Variants in NSUN6 observed in about 807,000 individuals in gnomAD.
NSUN6 encodes the protein tRNA (cytosine(72)-C(5))-methyltransferase NSUN6.
NSUN6 carries 64 observed loss-of-function variants against 58.0 expected under a neutral mutation model. The ratio of observed to expected loss-of-function variants is 1.10; its 90% CI spans 0.90 to 1.36. NSUN6 has a LOEUF of 1.36. Among genes scored for constraint, NSUN6 ranks in the 40% most tolerant of loss-of-function variants. The probability of loss-of-function intolerance (pLI) is 0.00; values close to 1 mark genes in which losing one functional copy is unlikely to be tolerated. For missense variants in NSUN6, 701 were observed against 550.1 expected, an observed-to-expected ratio of 1.27 and a Z score of -2.74; for synonymous variants, 231 against 193.9, an observed-to-expected ratio of 1.19 and a Z score of -1.59.
intron 8 of NSUN6, among the ~76,000 whole-genome samples, chr10:18,572,716 T>C (rs1213768110): frequency 6.7e-6 from 1 of 149,450 alleles, no homozygotes; most frequent in African/African-American, 2.5e-5. Context: ...CATTCCCTTC[T>C]CCATTCCATT....
chr10:18,637,824 T>C (rs1373011223), intron 3 of NSUN6, among the ~76,000 whole-genome samples: 2 of 152,266 alleles, frequency 1.3e-5, no homozygotes, highest in African/African-American at 4.8e-5. Flanking sequence ...TGTGAGACGA[T>C]ATCCATTATA....
At chr10:18,573,522 C>G (rs1490378968) in intron 8 of NSUN6, among the ~76,000 whole-genome samples, 2 of 151,886 alleles carry the variant, frequency 1.3e-5, no homozygotes, top group African/African-American at 4.8e-5. Flanking sequence ...ATTCCGTTCT[C>G]CATTCTCCAT....
chr10:18,609,586 T>C (rs2131315199), intron 6 of NSUN6, among the ~76,000 whole-genome samples: 1 of 152,288 alleles, frequency 6.6e-6, no homozygotes, highest in African/African-American at 2.4e-5. Context: ...TATTTTGAGA[T>C]GGAAAGCAGT....
intron 2 of NSUN6, 41 bp from the exon 3 acceptor site, chr10:18,642,596 T>G: frequency 1.1e-6 from 1 of 945,876 alleles, no homozygotes; most frequent in Non-Finnish European, 1.7e-6. Context: ...TCCATACATT[T>G]GATACATTTC....
chr10:18,621,363 C>T (rs942035117), intron 3 of NSUN6, among the ~76,000 whole-genome samples: 3 of 152,118 alleles, frequency 2.0e-5, no homozygotes, highest in Admixed American at 6.5e-5. Context: ...AAATCATAGC[C>T]GTAAGTACAA....
chr10:18,635,329 T>G (rs1357237521), intron 3 of NSUN6, among the ~76,000 whole-genome samples: 1 of 152,208 alleles, frequency 6.6e-6, no homozygotes. Context: ...TAGCCATTAG[T>G]GTGACTGTAT....
chr10:18,557,795 G>A (rs1165544087), intron 8 of NSUN6, among the ~76,000 whole-genome samples: 2 of 151,072 alleles, frequency 1.3e-5, no homozygotes, highest in Non-Finnish European at 3.0e-5. Context: ...AATGGATAAT[G>A]GAAGGGAATG....
chr10:18,627,325 G>A (rs1206597062), intron 3 of NSUN6, among the ~76,000 whole-genome samples: 2 of 152,026 alleles, frequency 1.3e-5, no homozygotes, highest in Admixed American at 6.6e-5. Flanking sequence ...CTGTGATATC[G>A]AGCTTTTAGT....
chr10:18,625,379 C>G (rs1003309933), intron 3 of NSUN6, among the ~76,000 whole-genome samples: 11 of 152,024 alleles, frequency 7.2e-5, no homozygotes, highest in African/African-American at 2.7e-4. Flanking sequence ...TAATGGAAGA[C>G]CTATATAACT....
chr10:18,642,921 G>C lies in NSUN6; in HGVS notation c.232-366C>G, dbSNP rs989334448. 2.0e-5 allele frequency among the ~76,000 whole-genome samples: 3 copies of C among 152,052 alleles called. No individual in the cohort carries two copies. The South Asian group carries it at 6.2e-4, about 31-fold the overall frequency. ...GATGTTAAAGACTGAGATTACTATT[G>C]ATAAATACTACCTAATATACACAAT... is the stretch of plus-strand genomic sequence containing the variant. On this transcript the variant is annotated intron_variant, in intron 2 of 10. Coordinates refer to ENST00000377304, the MANE Select transcript of NSUN6 (RefSeq NM_182543.5).
intron 3 of NSUN6, among the ~76,000 whole-genome samples, chr10:18,633,765 T>A (rs754582787): frequency 1.3e-5 from 2 of 152,092 alleles, no homozygotes; most frequent in Admixed American, 6.5e-5. Flanking sequence ...CAAACCTGGA[T>A]CAACTATCTA....
chr10:18,611,202 T>TAAA (rs142146397), intron 5 of NSUN6, among the ~76,000 whole-genome samples: 2 of 151,754 alleles, frequency 1.3e-5, no homozygotes, highest in African/African-American at 2.4e-5. Context: ...ATAAAATTTT[T>TAAA]AAAAAAATTT....
At chr10:18,658,461 T>C (rs2059802225), upstream of NSUN6, 1 of 156,086 alleles carries the variant, frequency 6.4e-6, no homozygotes, top group Non-Finnish European at 1.4e-5. Context: ...TTTCGTTTCA[T>C]GCCAGGCTGT....
At chr10:18,581,355 C>A (rs146181945) in intron 8 of NSUN6, among the ~76,000 whole-genome samples, 1 of 152,180 alleles carries the variant, frequency 6.6e-6, no homozygotes, top group East Asian at 1.9e-4. Context: ...TAAAACCCAC[C>A]AAAACAAAGA....
chr10:18,614,067 A>T (rs1357134734), intron 5 of NSUN6, among the ~76,000 whole-genome samples: 2 of 152,132 alleles, frequency 1.3e-5, no homozygotes, highest in African/African-American at 2.4e-5. Context: ...ATTTTTAATT[A>T]AAAAATATGT....
chr10:18,646,767 G>A (rs1329887361), intron 2 of NSUN6, among the ~76,000 whole-genome samples: 1 of 152,132 alleles, frequency 6.6e-6, no homozygotes, highest in Non-Finnish European at 1.5e-5. Context: ...GGAAGCAGAG[G>A]TTGCAGTGAG....
rs200916172 is a variant in NSUN6, at chr10:18,614,614, C to G, written c.422-1G>C. The G allele has an allele frequency of 5.1e-6, 7 of 1,369,034 alleles. 1 individual carries two copies. Among genetic ancestry groups the G allele is most frequent in the Middle Eastern group, 3.8e-4 (2 of 5,322 alleles). The allele number at this position is 1,369,034 out of a possible 1,614,324, so 84.8% of individuals were successfully genotyped here. On this transcript the variant is annotated splice_acceptor_variant, in intron 4 of 10. Coordinates refer to ENST00000377304, the MANE Select transcript of NSUN6 (RefSeq NM_182543.5). LOFTEE classifies it high-confidence loss of function. The stretch of plus-strand genomic sequence containing the variant: ...GAAATAACATCTCCAGCTTTCATAA[C>G]TAGAGAAAGAAGAAAATCAGATTAC...
At chr10:18,558,581 T>A (rs1230779743) in intron 8 of NSUN6, among the ~76,000 whole-genome samples, 1 of 149,452 alleles carries the variant, frequency 6.7e-6, no homozygotes, top group Non-Finnish European at 1.5e-5. Flanking sequence ...GAGAATGGAA[T>A]GTAATGAAAT....
chr10:18,575,438 C>T (rs750690507), intron 8 of NSUN6, among the ~76,000 whole-genome samples: 2 of 152,114 alleles, frequency 1.3e-5, no homozygotes, highest in African/African-American at 2.4e-5. Context: ...AATGCGACAG[C>T]CAATAATGTA....
Sources: gnomAD v4.1 joint callset for allele counts (sites outside exome capture counted in the v4.1 genomes callset) on GRCh38, gnomAD v4.1.1 for gene constraint, MANE v1.5 for transcripts, NCBI Gene and HGNC (gene_info 2026-07-23, HGNC 2026-07-21) for gene names.